The following SPATS1 variants were observed in gnomAD, a reference collection of about 807,000 sequenced individuals.
The protein encoded by SPATS1 is spermatogenesis associated serine rich 1.
SPATS1 carries 23 observed loss-of-function variants against 33.6 expected under a neutral mutation model. The observed-to-expected ratio is 0.68, with a 90% CI of 0.49 to 0.97. SPATS1 has a LOEUF of 0.97. Among genes scored for constraint, SPATS1 ranks in the 50% least tolerant of loss-of-function variants. The pLI is 0.00. For synonymous variants in SPATS1, 131 were observed against 125.6 expected (o/e 1.04, Z -0.29); for missense variants, 327 against 361.0 (o/e 0.91, Z 0.76).
intron 3 of SPATS1, among the ~76,000 whole-genome samples, chr6:44,357,535 A>G (rs546565724): frequency 6.6e-6 from 1 of 152,080 alleles, no homozygotes; most frequent in African/African-American, 2.4e-5. Flanking sequence ...GGTGCATGCC[A>G]CCACACCTGG....
chr6:44,357,675 C>T (rs1788675039), intron 3 of SPATS1, among the ~76,000 whole-genome samples: 1 of 152,204 alleles, frequency 6.6e-6, no homozygotes, highest in East Asian at 1.9e-4. Context: ...AGCCACTGTG[C>T]CCAGCCCTTC....
At chr6:44,347,408 T>G (rs908258601) in intron 2 of SPATS1, among the ~76,000 whole-genome samples, 2 of 152,190 alleles carry the variant, frequency 1.3e-5, no homozygotes, top group Admixed American at 6.6e-5. Context: ...CTACTCACTC[T>G]TTTTTCTTTC....
Position 44,360,427 on chromosome 6 carries a change from C to G in SPATS1, c.288-19C>G. ...TACCAGTTTAAGCACGTGGAAGAATCCTTCTGCTTTCTTTCCAGCACCACT... is the reference window on the plus strand; with the variant it reads ...TACCAGTTTAAGCACGTGGAAGAATGCTTCTGCTTTCTTTCCAGCACCACT... On this transcript the variant is annotated intron_variant, in intron 3 of 8. Transcript: ENST00000674044. 6.2e-7 allele frequency: 1 copy of G among 1,613,846 alleles called. No individual in the cohort carries two copies. Among genetic ancestry groups the G allele is most frequent in the Non-Finnish European group, 8.5e-7 (1 of 1,179,928 alleles).
In SPATS1 at chr6:44,377,202, T is replaced by C; in HGVS notation, c.*139T>C. 1 of 1,062,218 alleles carries C rather than the reference T, an allele frequency of 9.4e-7. No homozygotes were observed. The highest frequency in any genetic ancestry group is 1.4e-6 in the Non-Finnish European group (1 of 721,298). The allele number at this position is 1,062,218 out of a possible 1,614,324, so 65.8% of individuals were successfully genotyped here. On this transcript the variant is annotated 3_prime_UTR_variant, in exon 9 of 9. Coordinates refer to ENST00000674044, the MANE Select transcript of SPATS1 (RefSeq NM_001372081.1). ...GTTGTGCTTTGCTTTTTTAAAACTT[T>C]ATATTTTGAAAACTTTCACATTTAC...
In SPATS1 at chr6:44,377,388, T is replaced by C. The variant is rs3757288; in HGVS notation, c.*325T>C. On this transcript the variant is annotated 3_prime_UTR_variant, in exon 9 of 9. Coordinates refer to ENST00000674044, the MANE Select transcript of SPATS1 (RefSeq NM_001372081.1). ...GGCAGATATTGTAACCCTTTACACC[T>C]GTATACCTACATACCTCAGCATGTA... is the stretch of plus-strand genomic sequence containing the variant. 0.045 allele frequency: 17,533 copies of C among 387,374 alleles called. 1,178 individuals are homozygous for C. The highest frequency in any genetic ancestry group is 0.26 in the East Asian group (4,767 of 18,682). The allele number at this position is 387,374 out of a possible 1,614,324, so 24.0% of individuals were successfully genotyped here.
In SPATS1 at chr6:44,355,210, C is replaced by T. The variant is rs1053038948; in HGVS notation, c.287+2337C>T. Reference sequence around the variant, plus strand: ...TGGCAACCGCAGATATTTTTACTGTCTCCATAGTTTTTTCCTTTCCAGAAT... The same window carrying T: ...TGGCAACCGCAGATATTTTTACTGTTTCCATAGTTTTTTCCTTTCCAGAAT... On this transcript the variant is annotated intron_variant, in intron 3 of 8. Coordinates refer to ENST00000674044, the MANE Select transcript of SPATS1 (RefSeq NM_001372081.1). Among the ~76,000 whole-genome samples, 8 of 130,764 alleles carry T rather than the reference C, an allele frequency of 6.1e-5. No individual in the cohort carries two copies. The South Asian group carries it at 8.1e-4, about 13-fold the overall frequency. The allele number at this position is 130,764 out of a possible 152,430, so 85.8% of individuals were successfully genotyped here.
Position 44,377,169 on chromosome 6 carries a change from G to A in SPATS1, c.*106G>A. 6 of 1,397,134 alleles carry A rather than the reference G, an allele frequency of 4.3e-6. No individual in the cohort carries two copies. Among genetic ancestry groups the A allele is most frequent in the South Asian group, 2.4e-5 (2 of 84,994 alleles). 86.5% of individuals were successfully genotyped at this position (1,397,134 alleles called of 1,614,324 possible). On this transcript the variant is annotated 3_prime_UTR_variant, in exon 9 of 9. Coordinates refer to ENST00000674044, the MANE Select transcript of SPATS1 (RefSeq NM_001372081.1). ...TCTAAATCCAGTGTTTGACCCTTAT[G>A]AGGAAGTGTTGTGCTTTGCTTTTTT...
At position 44,353,828 on chromosome 6, in the gene SPATS1, G is replaced by A. The variant is rs571980994; in HGVS notation, c.287+955G>A. Among the ~76,000 whole-genome samples the A allele has an allele frequency of 6.7e-5, 10 of 149,870 alleles. No homozygotes were observed. In the East Asian group the frequency reaches 1.6e-3, roughly 24 times the overall value. ...CGAGGCTGGTGGATCACGAGGTCAG[G>A]AGATCAAGACCATCCTGGCTAACAT... On this transcript the variant is annotated intron_variant, in intron 3 of 8. Transcript: ENST00000674044.
chr6:44,354,132 G>A (rs1244263180), intron 3 of SPATS1, among the ~76,000 whole-genome samples: 2 of 150,680 alleles, frequency 1.3e-5, no homozygotes, highest in Admixed American at 6.7e-5. Context: ...CCAGGAGTTC[G>A]AGGCCAGCCA....
chr6:44,343,144 C>G lies in SPATS1; in HGVS notation c.49C>G (p.Pro17Ala), dbSNP rs546746044. 2.5e-6 allele frequency: 4 copies of G among 1,614,152 alleles called. No homozygotes were observed. The South Asian group carries it at 4.4e-5, about 18-fold the overall frequency. ...AAACAGTCCACGGGGCTGCCGTCTC[C>G]CCTCCATCTCAAGCACGACCTGCGG... Reference protein sequence around the residue: ...TGNSPRGCRLPSISSTTCGRQ... With the variant: ...TGNSPRGCRLASISSTTCGRQ... The change falls in exon 2 of 9, where the codon CCC (proline) becomes GCC (alanine). Residue 17 changes from proline (P) to alanine (A), a missense_variant. Coordinates refer to ENST00000674044, the MANE Select transcript of SPATS1 (RefSeq NM_001372081.1).
At chr6:44,364,760 TTTC>T (rs956144482) in intron 5 of SPATS1, among the ~76,000 whole-genome samples, 2 of 150,834 alleles carry the variant, frequency 1.3e-5, no homozygotes, top group African/African-American at 2.4e-5. Flanking sequence ...TCTTTCTTTC[TTTC>T]TTTTTCTTTT....
At chr6:44,354,940 G>A (rs1258024302) in intron 3 of SPATS1, among the ~76,000 whole-genome samples, 1 of 152,080 alleles carries the variant, frequency 6.6e-6, no homozygotes, top group African/African-American at 2.4e-5. Flanking sequence ...TCAGCCTCCT[G>A]AGTAGCTGGG....
At position 44,380,020 on chromosome 6, in the gene SPATS1, G is replaced by A. The variant is rs1236241633; in HGVS notation, c.*2957G>A. 6.6e-6 allele frequency among the ~76,000 whole-genome samples: 1 copy of A among 152,148 alleles called. No individual in the cohort carries two copies. Among genetic ancestry groups the A allele is most frequent in the Non-Finnish European group, 1.5e-5 (1 of 68,022 alleles). On this transcript the variant is annotated 3_prime_UTR_variant, in exon 9 of 9. Coordinates refer to ENST00000674044, the MANE Select transcript of SPATS1 (RefSeq NM_001372081.1). ...ATGAGTATGTCTACGTGTGTGGGGA[G>A]ACAAAGGCATAGAGAAAGGCCACAT...
At chr6:44,375,481 T>G (rs576498959) in intron 7 of SPATS1, among the ~76,000 whole-genome samples, 1 of 152,158 alleles carries the variant, frequency 6.6e-6, no homozygotes, top group Non-Finnish European at 1.5e-5. Flanking sequence ...CACCTTCTGA[T>G]CTCCTATCGG....
At chr6:44,369,210 C>A (rs1456625295) in intron 6 of SPATS1, among the ~76,000 whole-genome samples, 1 of 152,000 alleles carries the variant, frequency 6.6e-6, no homozygotes, top group African/African-American at 2.4e-5. Context: ...AAAAATTAAC[C>A]ATGTGGGATA....
chr6:44,372,335 C>T (rs886222870), intron 7 of SPATS1, among the ~76,000 whole-genome samples: 1 of 151,750 alleles, frequency 6.6e-6, no homozygotes, highest in Non-Finnish European at 1.5e-5. Flanking sequence ...TGATTTTTCT[C>T]CTGATTATGG....
chr6:44,368,124 A>G (rs1171876187), intron 5 of SPATS1, among the ~76,000 whole-genome samples: 1 of 152,196 alleles, frequency 6.6e-6, no homozygotes, highest in Non-Finnish European at 1.5e-5. Flanking sequence ...TATATTTTAA[A>G]CCAAAACACT....
At position 44,370,057 on chromosome 6, in the gene SPATS1, T is replaced by C; in HGVS notation, c.702T>C (p.Pro234=). Residue 234 remains proline, a synonymous_variant, in exon 7 of 9, where the codon CCT becomes CCC. Transcript: ENST00000674044. The part of the protein sequence containing the change: ...MLPPVNFSIV[P]YEKKFDTFIP... ...TGCCTTTTCTGTTTTTCAGAGTGCC[T>C]TATGAAAAGAAATTTGATACATTTA... 1 of 1,611,902 alleles carries C rather than the reference T, an allele frequency of 6.2e-7. No homozygotes were observed. The highest frequency in any genetic ancestry group is 8.5e-7 in the Non-Finnish European group (1 of 1,178,380).
rs1790140245 is a variant in SPATS1 at position 44,380,170 on chromosome 6, T to C, written c.*3107T>C. ...GTAGGGTCTTTGGTAAATAAAAACA[T>C]GTGGGTGCAGAGGTGTGTGTGTGTT... On this transcript the variant is annotated 3_prime_UTR_variant, in exon 9 of 9. Coordinates refer to ENST00000674044, the MANE Select transcript of SPATS1 (RefSeq NM_001372081.1). Among the ~76,000 whole-genome samples, 1 of 152,176 alleles carries C rather than the reference T, an allele frequency of 6.6e-6. No individual in the cohort carries two copies. Among genetic ancestry groups the C allele is most frequent in the South Asian group, 2.1e-4 (1 of 4,832 alleles).
Sources: allele counts gnomAD v4.1 joint callset (sites outside exome capture counted in the v4.1 genomes callset), GRCh38; gene constraint gnomAD v4.1.1; transcripts MANE v1.5; gene names NCBI Gene and HGNC (gene_info 2026-07-23, HGNC 2026-07-21).